Variants in PADI3 observed in about 807,000 individuals in gnomAD.
PADI3 encodes peptidyl arginine deiminase 3.
PADI3 carries 53 observed loss-of-function variants against 71.5 expected under a neutral mutation model. That is an observed-to-expected ratio of 0.74 (90% CI 0.59 to 0.93). The LOEUF (loss-of-function observed/expected upper bound fraction) is 0.93, where lower values mean the gene tolerates loss of function less well. Ranked by LOEUF, PADI3 falls within the 40% of genes least tolerant of loss-of-function variation. The pLI is 0.00. For synonymous variants in PADI3, 361 were observed against 347.5 expected (o/e 1.04, Z -0.43); for missense variants, 821 against 868.0 (o/e 0.95, Z 0.68).
In PADI3 at chr1:17,282,841, T is replaced by A; in HGVS notation, c.1762-5T>A. 1 of 1,604,010 alleles carries A rather than the reference T, an allele frequency of 6.2e-7. No homozygotes were observed. Among genetic ancestry groups the A allele is most frequent in the Non-Finnish European group, 8.5e-7 (1 of 1,174,270 alleles). ...ATGAAGTGCTGCTTCCCCTTTGGAC[T>A]GCAGGTGAACATGCTGGTGCTGGGG... On this transcript the variant is annotated splice_polypyrimidine_tract_variant and splice_region_variant and intron_variant, in intron 15 of 15. Coordinates refer to ENST00000375460, the MANE Select transcript of PADI3 (RefSeq NM_016233.2).
chr1:17,257,122 A>G (rs1374004639), intron 1 of PADI3, among the ~76,000 whole-genome samples: 1 of 148,954 alleles, frequency 6.7e-6, no homozygotes, highest in Non-Finnish European at 1.5e-5. Context: ...TCCCGAGGGT[A>G]TGAGAGGCTG....
rs1448917763 is a variant in PADI3, at chr1:17,252,397, C to CT, written c.92+3170dup. On this transcript the variant is annotated intron_variant, in intron 1 of 15. Transcript: ENST00000375460. ...AGGAAGAAAGCTGCTTTCTTTTCTT[C>CT]TTCTTTTTTTTTTTTTTTTGTTGAA... Among the ~76,000 whole-genome samples the CT allele has an allele frequency of 3.4e-3, 211 of 62,296 alleles. 3 individuals carry two copies. The highest frequency in any genetic ancestry group is 6.3e-3 in the African/African-American group (161 of 25,692). 40.9% of individuals were successfully genotyped at this position (62,296 alleles called of 152,430 possible). A position where few individuals can be genotyped will look rare whatever the true frequency, so the allele number is the denominator to read the frequency against.
chr1:17,273,192 G>A (rs763825388), intron 9 of PADI3, 148 bp from the exon 10 acceptor site: 52 of 591,774 alleles, frequency 8.8e-5, no homozygotes, highest in Non-Finnish European at 1.3e-4. Flanking sequence ...CAGGCACCCT[G>A]ACCTCGGTCC....
Position 17,271,836 on chromosome 1 carries a change from C to CAAAAA in PADI3, c.1047+673_1047+677dup, listed in dbSNP as rs71571852. 5.1e-3 allele frequency among the ~76,000 whole-genome samples: 407 copies of CAAAAA among 79,272 alleles called. 3 individuals are homozygous for CAAAAA. The highest frequency in any genetic ancestry group is 5.9e-3 in the Non-Finnish European group (255 of 43,206). The allele number at this position is 79,272 out of a possible 152,430, so 52.0% of individuals were successfully genotyped here. Reference sequence around the variant, plus strand: ...TGCACTCCAGCCTCAGCAACAACAACAAAAAAAAAAAAAAAAAAAGAGAGA... The same window carrying CAAAAA: ...TGCACTCCAGCCTCAGCAACAACAACAAAAAAAAAAAAAAAAAAAAAAAAGAGAGA... On this transcript the variant is annotated intron_variant, in intron 9 of 15. Coordinates refer to ENST00000375460, the MANE Select transcript of PADI3 (RefSeq NM_016233.2).
intron 1 of PADI3, among the ~76,000 whole-genome samples, chr1:17,257,059 AGG>A (rs2073037668): frequency 5.0e-5 from 7 of 141,104 alleles, no homozygotes; most frequent in East Asian, 4.2e-4. Context: ...AAAAAAAAAA[AGG>A]CTTCCTTGGG....
In PADI3 at chr1:17,270,404, C is replaced by T. The variant is rs767559344; in HGVS notation, c.824C>T (p.Ser275Phe). Residue 275 changes from serine to phenylalanine, a missense_variant, in exon 7 of 16, where the codon TCC becomes TTC. Physicochemically the swap from Ser to Phe is radical, Grantham distance 155 (BLOSUM62 -2). Coordinates refer to ENST00000375460, the MANE Select transcript of PADI3 (RefSeq NM_016233.2). ...TTCCATGTCACTCTGCTGGACGACT[C>T]CAACGAGGTAGGGACAGAGGGGGTT... ...ISFHVTLLDD[S>F]NEDFSASPIF... The T allele has an allele frequency of 6.2e-6, 10 of 1,612,670 alleles. No homozygotes were observed. Among genetic ancestry groups the T allele is most frequent in the Non-Finnish European group, 8.5e-6 (10 of 1,179,380 alleles).
chr1:17,267,803 C>T (rs1432843960), intron 5 of PADI3, 34 bp from the exon 6 acceptor site: 2 of 1,610,232 alleles, frequency 1.2e-6, no homozygotes, highest in Non-Finnish European at 1.7e-6. Context: ...GCCAGGACTC[C>T]CTTGAGTCAC....
chr1:17,249,849 T>C (rs1193417601), intron 1 of PADI3, among the ~76,000 whole-genome samples: 1 of 152,244 alleles, frequency 6.6e-6, no homozygotes, highest in African/African-American at 2.4e-5. Flanking sequence ...AGTCACACAG[T>C]TACTAAGTGG....
chr1:17,274,654 TG>T lies in PADI3; in HGVS notation c.1176del (p.Thr393LeufsTer9). 6.2e-7 allele frequency: 1 copy of T among 1,612,354 alleles called. No individual in the cohort carries two copies. The highest frequency in any genetic ancestry group is 8.5e-7 in the Non-Finnish European group (1 of 1,178,992). ...CTCCAGGGTCCAGATTTTGGTTACG[TG>T]ACTCGGGAACCACGCGACAGGTCTG... is the stretch of plus-strand genomic sequence containing the variant. ...KRILGPDFGY[V>X]TREPRDRSVS... is the part of the protein sequence containing the mutation. On this transcript the variant is annotated frameshift_variant, in exon 11 of 16. Coordinates refer to ENST00000375460, the MANE Select transcript of PADI3 (RefSeq NM_016233.2). LOFTEE classifies it high-confidence loss of function.
chr1:17,250,425 G>T (rs907040101), intron 1 of PADI3, among the ~76,000 whole-genome samples: 2 of 152,188 alleles, frequency 1.3e-5, no homozygotes, highest in Non-Finnish European at 2.9e-5. Context: ...GGGGTGGGAA[G>T]AAAATAGCCC....
In PADI3 at chr1:17,280,722, G is replaced by C. The variant is rs144830756; in HGVS notation, c.1687G>C (p.Glu563Gln). 1 of 1,614,082 alleles carries C rather than the reference G, an allele frequency of 6.2e-7. No individual in the cohort carries two copies. Among genetic ancestry groups the C allele is most frequent in the African/African-American group, 1.3e-5 (1 of 74,934 alleles). ...EVLKRELGLAECDIIDIPQLF... is the reference protein window; with the variant it reads ...EVLKRELGLAQCDIIDIPQLF... ...GCTGAAGCGGGAGCTGGGCCTGGCAGAGTGTGACATCATTGACATCCCACA... is the reference window on the plus strand; with the variant it reads ...GCTGAAGCGGGAGCTGGGCCTGGCACAGTGTGACATCATTGACATCCCACA... Residue 563 changes from glutamate to glutamine, a missense_variant, in exon 15 of 16, where the codon GAG (glutamate) becomes CAG (glutamine). Glu to Gln is a conservative substitution (Grantham distance 29). Coordinates refer to ENST00000375460, the MANE Select transcript of PADI3 (RefSeq NM_016233.2).
intron 1 of PADI3, among the ~76,000 whole-genome samples, chr1:17,250,177 TG>T: frequency 6.6e-6 from 1 of 152,246 alleles, no homozygotes; most frequent in East Asian, 1.9e-4. Context: ...ATCAGGATAC[TG>T]GGAGGGGAGG....
intron 11 of PADI3, among the ~76,000 whole-genome samples, chr1:17,276,262 G>A (rs142497019): frequency 6.6e-6 from 1 of 152,102 alleles, no homozygotes; most frequent in Admixed American, 6.5e-5. Context: ...CCTTGAACCT[G>A]GGAGGCGGAA....
chr1:17,261,754 C>T (rs540588734), intron 2 of PADI3, among the ~76,000 whole-genome samples: 34 of 152,310 alleles, frequency 2.2e-4, no homozygotes, highest in African/African-American at 5.1e-4. Flanking sequence ...CCAGAGGTGC[C>T]GGGCTCAAGC....
At chr1:17,271,014 G>C in intron 8 of PADI3, 32 bp downstream of exon 8, 2 of 1,611,306 alleles carry the variant, frequency 1.2e-6, no homozygotes, top group Non-Finnish European at 1.7e-6. Flanking sequence ...GGTCCCTCTG[G>C]CCCCCAGGCC....
rs765324453 is a variant in PADI3 at position 17,271,069 on chromosome 1, T to G, written c.938T>G (p.Val313Gly). The G allele has an allele frequency of 2.4e-5, 38 of 1,613,736 alleles. No homozygotes were observed. The South Asian group carries it at 3.2e-4, about 14-fold the overall frequency. ...LPPLEVYVCR[V>G]RNNTCFVDAV... ...CTCTTCCCTGGGCTTGTCCGTAGTG[T>G]GAGGAACAACACGTGTTTTGTGGAT... The change falls in exon 9 of 16, where the codon GTG (valine) becomes GGG (glycine). Residue 313 changes from valine to glycine, a missense_variant and splice_region_variant. Val to Gly is a moderately radical substitution (Grantham distance 109). Transcript: ENST00000375460.
chr1:17,264,618 CATGT>C (rs1197615361), intron 3 of PADI3, among the ~76,000 whole-genome samples: 3 of 152,190 alleles, frequency 2.0e-5, no homozygotes, highest in Admixed American at 2.0e-4. Flanking sequence ...GCAGTCATAT[CATGT>C]ATGTTCTTTT....
chr1:17,256,688 A>G (rs1222500098), intron 1 of PADI3, among the ~76,000 whole-genome samples: 1 of 152,150 alleles, frequency 6.6e-6, no homozygotes, highest in African/African-American at 2.4e-5. Context: ...GCCCTTGCCC[A>G]TGGACACTGG....
chr1:17,254,605 C>A (rs898589913), intron 1 of PADI3, among the ~76,000 whole-genome samples: 2 of 152,058 alleles, frequency 1.3e-5, no homozygotes, highest in Non-Finnish European at 2.9e-5. Flanking sequence ...GTGGGGGATA[C>A]CTTCCTCACC....
Sources: allele counts gnomAD v4.1 joint callset (sites outside exome capture counted in the v4.1 genomes callset), GRCh38; gene constraint gnomAD v4.1.1; transcripts MANE v1.5; gene names NCBI Gene and HGNC (gene_info 2026-07-23, HGNC 2026-07-21).